The following PLD5 variants were observed in gnomAD, a reference collection of about 807,000 sequenced individuals.
The protein encoded by PLD5 is inactive phospholipase D5.
In PLD5, 36 loss-of-function variants were observed where a neutral mutation model predicts 61.1. The observed-to-expected ratio is 0.59, with a 90% CI of 0.45 to 0.78. The LOEUF is 0.78. Among genes scored for constraint, PLD5 ranks in the 30% least tolerant of loss-of-function variants. The pLI, the probability that PLD5 is intolerant of heterozygous loss-of-function variation, is 0.00. For missense variants in PLD5, 515 were observed against 644.4 expected (o/e 0.80, Z 2.17); for synonymous variants, 243 against 242.8 (o/e 1.00, Z -0.01).
At chr1:242,462,790 C>A (rs1427031954) in intron 1 of PLD5, among the ~76,000 whole-genome samples, 1 of 152,080 alleles carries the variant, frequency 6.6e-6, no homozygotes, top group Non-Finnish European at 1.5e-5. Flanking sequence ...TTCTCCCTTT[C>A]TTCTCCCAAA....
chr1:242,527,589 C>T (rs1299231352), upstream of PLD5, among the ~76,000 whole-genome samples: 2 of 152,172 alleles, frequency 1.3e-5, no homozygotes, highest in African/African-American at 2.4e-5. Context: ...ACTTGGTATG[C>T]AGTGCCAGAC....
intron 1 of PLD5, among the ~76,000 whole-genome samples, chr1:242,506,941 G>A (rs900324564): frequency 6.6e-6 from 1 of 152,260 alleles, no homozygotes; most frequent in East Asian, 1.9e-4. Flanking sequence ...CGGTACTAAC[G>A]GTGATCACAG....
intron 4 of PLD5, among the ~76,000 whole-genome samples, chr1:242,259,325 T>A (rs1355442431): frequency 1.3e-5 from 2 of 151,316 alleles, no homozygotes; most frequent in African/African-American, 2.4e-5. Flanking sequence ...TCTCTCTCTC[T>A]CAAAAAAAAT....
chr1:242,272,704 G>A (rs1674164577), intron 3 of PLD5, among the ~76,000 whole-genome samples: 2 of 152,088 alleles, frequency 1.3e-5, no homozygotes, highest in South Asian at 4.1e-4. Context: ...CTATGAATAG[G>A]TGGGTACCTC....
At chr1:242,187,790 G>A (rs1276449571) in intron 5 of PLD5, among the ~76,000 whole-genome samples, 1 of 152,170 alleles carries the variant, frequency 6.6e-6, no homozygotes, top group Non-Finnish European at 1.5e-5. Context: ...AGAATTCCAT[G>A]TAAAGAGAGG....
chr1:242,237,464 C>T (rs1671709436), intron 4 of PLD5, among the ~76,000 whole-genome samples: 1 of 152,180 alleles, frequency 6.6e-6, no homozygotes, highest in African/African-American at 2.4e-5. Context: ...TTCTCCTGCA[C>T]AGACAGCATG....
At chr1:242,144,782 AAAAT>A (rs751098233) in intron 5 of PLD5, among the ~76,000 whole-genome samples, 3 of 152,054 alleles carry the variant, frequency 2.0e-5, no homozygotes, top group African/African-American at 7.2e-5. Flanking sequence ...CCCTGTCTCA[AAAAT>A]AAATAAATAA....
intron 1 of PLD5, among the ~76,000 whole-genome samples, chr1:242,417,808 G>A (rs934652174): frequency 3.3e-5 from 5 of 152,148 alleles, no homozygotes; most frequent in African/African-American, 9.7e-5. Flanking sequence ...CAAGGAGGGA[G>A]GTGATATGGG....
intron 1 of PLD5, among the ~76,000 whole-genome samples, chr1:242,416,763 A>C (rs1664853826): frequency 1.3e-5 from 2 of 152,248 alleles, no homozygotes; most frequent in Non-Finnish European, 2.9e-5. Context: ...CTATTTGTGA[A>C]CAAAGGCATT....
At chr1:242,309,388 CTTTTTTTTT>C (rs368753685) in intron 2 of PLD5, among the ~76,000 whole-genome samples, 1 of 138,074 alleles carries the variant, frequency 7.2e-6, no homozygotes, top group Non-Finnish European at 1.6e-5. Flanking sequence ...GTTTTCTTTT[CTTTTTTTTT>C]TTTTTTTTAA....
intron 1 of PLD5, among the ~76,000 whole-genome samples, chr1:242,486,327 G>A (rs1405664180): frequency 2.0e-5 from 3 of 152,196 alleles, no homozygotes; most frequent in East Asian, 3.9e-4. Context: ...CTGACAAAGG[G>A]CTAATATCCA....
At chr1:242,526,526 C>G (rs1184392039), upstream of PLD5, among the ~76,000 whole-genome samples, 1 of 152,190 alleles carries the variant, frequency 6.6e-6, no homozygotes, top group African/African-American at 2.4e-5. Flanking sequence ...ACCTCCGCCT[C>G]CCGGGTTCAA....
chr1:242,362,707 G>A (rs148131776), intron 1 of PLD5, among the ~76,000 whole-genome samples: 8,458 of 151,974 alleles, frequency 0.056, 286 homozygotes, highest in Middle Eastern at 0.092. Context: ...TGGCTTAGGG[G>A]CATTTCTCTA....
chr1:242,342,542 G>C (rs1332709330), intron 2 of PLD5, among the ~76,000 whole-genome samples: 2 of 152,220 alleles, frequency 1.3e-5, no homozygotes, highest in Non-Finnish European at 2.9e-5. Flanking sequence ...CAGGATGCAT[G>C]CAACCTAAAC....
intron 1 of PLD5, among the ~76,000 whole-genome samples, chr1:242,513,609 T>C (rs577947667): frequency 6.6e-6 from 1 of 152,364 alleles, no homozygotes; most frequent in East Asian, 1.9e-4. Context: ...CCCACTCATA[T>C]ATGCTGAATC....
At chr1:242,300,341 G>A (rs1351149267) in intron 2 of PLD5, among the ~76,000 whole-genome samples, 6 of 152,086 alleles carry the variant, frequency 3.9e-5, no homozygotes, top group Non-Finnish European at 7.4e-5. Context: ...CTACTTAGGA[G>A]GCTGAGACAG....
At chr1:242,132,873 A>G (rs1185929049) in intron 5 of PLD5, among the ~76,000 whole-genome samples, 2 of 152,148 alleles carry the variant, frequency 1.3e-5, no homozygotes, top group Non-Finnish European at 2.9e-5. Flanking sequence ...TTTCAAAATT[A>G]AGGATACTGA....
At chr1:242,305,665 T>A (rs1676307720) in intron 2 of PLD5, among the ~76,000 whole-genome samples, 1 of 152,182 alleles carries the variant, frequency 6.6e-6, no homozygotes. Context: ...GTTCAAGCGA[T>A]TCTTCTGCCT....
intron 4 of PLD5, among the ~76,000 whole-genome samples, chr1:242,231,116 C>T (rs72761299): frequency 8.5e-5 from 13 of 152,050 alleles, no homozygotes; most frequent in African/African-American, 2.7e-4. Flanking sequence ...ACACTTAAAA[C>T]GGATCAGCAA....
Sources: gnomAD v4.1 joint callset for allele counts (sites outside exome capture counted in the v4.1 genomes callset) on GRCh38, gnomAD v4.1.1 for gene constraint, MANE v1.5 for transcripts, NCBI Gene and HGNC (gene_info 2026-07-23, HGNC 2026-07-21) for gene names.